VSTM1: variants seen among roughly 807,000 people sequenced by gnomAD.
The protein encoded by VSTM1 is V-set and transmembrane domain-containing protein 1.
A neutral mutation model predicts 33.1 loss-of-function variants in VSTM1; 27 were observed. The observed-to-expected ratio is 0.82, with a 90% confidence interval of 0.60 to 1.12. VSTM1 has a LOEUF of 1.12. VSTM1 is among the 50% of genes most tolerant of loss of function. The pLI is 0.00. For missense variants in VSTM1, 304 were observed against 288.9 expected, an observed-to-expected ratio of 1.05 and a Z score of -0.38; for synonymous variants, 115 against 110.3, an observed-to-expected ratio of 1.04 and a Z score of -0.27.
At position 54,042,813 on chromosome 19, in the gene VSTM1, T is replaced by C. The variant is rs1324085720; in HGVS notation, c.395-444A>G. On this transcript the variant is annotated intron_variant, in intron 4 of 8. Transcript: ENST00000338372. ...GTGTGTATATATAAATGTGTATATATATATATATATATATATATATATATA... is the reference window on the plus strand; with the variant it reads ...GTGTGTATATATAAATGTGTATATACATATATATATATATATATATATATA... Among the ~76,000 whole-genome samples the C allele has an allele frequency of 6.2e-5, 3 of 48,372 alleles. 1 individual carries two copies. Among genetic ancestry groups the C allele is most frequent in the Non-Finnish European group, 1.7e-4 (3 of 17,638 alleles). 31.7% of individuals were successfully genotyped at this position (48,372 alleles called of 152,430 possible).
intron 6 of VSTM1, 55 bp from the exon 7 acceptor site, chr19:54,042,008 G>T: frequency 6.2e-7 from 1 of 1,611,880 alleles, no homozygotes; most frequent in Non-Finnish European, 8.5e-7. Flanking sequence ...CGGGGAGAGG[G>T]TGAGGGCAAT....
chr19:54,051,673 A>G (rs1385437988), intron 3 of VSTM1, among the ~76,000 whole-genome samples: 1 of 152,164 alleles, frequency 6.6e-6, no homozygotes, highest in African/African-American at 2.4e-5. Flanking sequence ...AATAACAAAA[A>G]TATTTATGAA....
intron 1 of VSTM1, 50 bp downstream of exon 1, chr19:54,063,694 G>GA: frequency 6.2e-7 from 1 of 1,608,296 alleles, no homozygotes. Flanking sequence ...ACTCCCACAT[G>GA]AGTTTTTCTC....
At position 54,041,831 on chromosome 19, in the gene VSTM1, A is replaced by G. The variant is rs1304123637; in HGVS notation, c.554-15T>C. Reference sequence around the variant, plus strand: ...TAAATCTGCCTCTGAGTGAGAAAGGAAAAAAAAAAATCAGTTCTCAGCTGC... The same window carrying G: ...TAAATCTGCCTCTGAGTGAGAAAGGGAAAAAAAAAATCAGTTCTCAGCTGC... On this transcript the variant is annotated splice_polypyrimidine_tract_variant and intron_variant, in intron 7 of 8. Transcript: ENST00000338372. 11 of 1,030,120 alleles carry G rather than the reference A, an allele frequency of 1.1e-5. No homozygotes were observed. In the East Asian group the frequency reaches 2.7e-4, roughly 26 times the overall value. 63.8% of individuals were successfully genotyped at this position (1,030,120 alleles called of 1,614,324 possible).
intron 1 of VSTM1, among the ~76,000 whole-genome samples, chr19:54,059,061 T>C (rs1171684373): frequency 3.4e-4 from 5 of 14,906 alleles, no homozygotes; most frequent in Non-Finnish European, 5.9e-4. Context: ...TCTTCTTTCT[T>C]TTTTTTTTTT....
chr19:54,062,592 C>T (rs370768613), intron 1 of VSTM1, among the ~76,000 whole-genome samples: 8 of 151,622 alleles, frequency 5.3e-5, no homozygotes, highest in East Asian at 2.0e-4. Context: ...GGCGTGGTGG[C>T]GTGTGCCTAT....
At chr19:54,048,408 G>T (rs755557805) in intron 4 of VSTM1, 1 of 344,980 alleles carries the variant, frequency 2.9e-6, no homozygotes, top group South Asian at 2.0e-5. Context: ...GAGCCACTGC[G>T]CCCGGCAAAG....
chr19:54,061,365 C>T (rs1412303465), intron 1 of VSTM1, among the ~76,000 whole-genome samples: 1 of 152,124 alleles, frequency 6.6e-6, no homozygotes, highest in Non-Finnish European at 1.5e-5. Context: ...CTCCCAGGAC[C>T]TGCGAATGTG....
intron 1 of VSTM1, 34 bp from the exon 2 acceptor site, chr19:54,058,766 G>T (rs369073348): frequency 1.2e-6 from 2 of 1,610,912 alleles, no homozygotes; most frequent in Non-Finnish European, 1.7e-6. Flanking sequence ...GAAAAATTAT[G>T]TGCTTGTCCT....
intron 4 of VSTM1, among the ~76,000 whole-genome samples, chr19:54,050,218 C>T (rs1300142628): frequency 2.0e-5 from 3 of 151,706 alleles, no homozygotes; most frequent in Non-Finnish European, 1.5e-5. Context: ...AGGCTGGTTT[C>T]GAACTCCTGA....
rs62147263 is a variant in VSTM1 at position 54,052,271 on chromosome 19, C to G, written c.356-823G>C. 3.9e-4 allele frequency among the ~76,000 whole-genome samples: 58 copies of G among 147,420 alleles called. 2 individuals are homozygous for G. Among genetic ancestry groups the G allele is most frequent in the Admixed American group, 8.2e-4 (12 of 14,618 alleles). On this transcript the variant is annotated intron_variant, in intron 3 of 8. Transcript: ENST00000338372. ...AAGTTAGCCGAGCGTGGTGGCGGGC[C>G]CCTGTAGTCCCAGCTACTCGGGAGG...
chr19:54,044,770 G>A (rs1183943583), intron 4 of VSTM1, among the ~76,000 whole-genome samples: 2 of 152,166 alleles, frequency 1.3e-5, no homozygotes, highest in Non-Finnish European at 2.9e-5. Context: ...TTACAGCAAG[G>A]GTTGTGTCCA....
rs1334613665 is a variant in VSTM1, at chr19:54,053,808, C to T, written c.356-2360G>A. ...GCAGCTGTAGATCACTAATACAATG[C>T]CTCTCACAGTTATTCTCCATCTATA... On this transcript the variant is annotated intron_variant, in intron 3 of 8. Transcript: ENST00000338372. Among the ~76,000 whole-genome samples the T allele has an allele frequency of 1.4e-5, 2 of 142,278 alleles. 1 individual carries two copies. Among genetic ancestry groups the T allele is most frequent in the East Asian group, 4.0e-4 (2 of 5,030 alleles). 93.3% of individuals were successfully genotyped at this position (142,278 alleles called of 152,430 possible). A position where few individuals can be genotyped will look rare whatever the true frequency, so the allele number is the denominator to read the frequency against.
At chr19:54,042,823 TATATATATATATATAC>T (rs1340423195) in intron 4 of VSTM1, among the ~76,000 whole-genome samples, 7 of 71,156 alleles carry the variant, frequency 9.8e-5, no homozygotes, top group Middle Eastern at 5.6e-3. Context: ...TATATATATA[TATATATATATATATAC>T]ATATATATAT....
At chr19:54,041,627 T>C (rs1162381516) in intron 8 of VSTM1, 152 bp downstream of exon 8, 5 of 853,830 alleles carry the variant, frequency 5.9e-6, no homozygotes, top group South Asian at 1.8e-5. Context: ...AAATGGAGAT[T>C]TTGGTTCCCA....
At chr19:54,041,341 G>A (rs985120633) in intron 8 of VSTM1, among the ~76,000 whole-genome samples, 3 of 151,134 alleles carry the variant, frequency 2.0e-5, no homozygotes, top group Non-Finnish European at 2.9e-5. Context: ...TGGCTCTGTC[G>A]CCCAGGCTGG....
intron 3 of VSTM1, among the ~76,000 whole-genome samples, chr19:54,057,828 G>T (rs770744862): frequency 1.2e-4 from 18 of 150,592 alleles, no homozygotes; most frequent in Non-Finnish European, 2.4e-4. Context: ...AAAAAGGCTG[G>T]GTGTGGAGGT....
intron 3 of VSTM1, among the ~76,000 whole-genome samples, chr19:54,052,095 T>C (rs923965817): frequency 2.0e-5 from 3 of 152,080 alleles, no homozygotes; most frequent in Non-Finnish European, 4.4e-5. Context: ...CCATTTAGTC[T>C]AAGTTAAAAT....
At chr19:54,057,532 G>T (rs564583305) in intron 3 of VSTM1, among the ~76,000 whole-genome samples, 1 of 150,442 alleles carries the variant, frequency 6.6e-6, no homozygotes, top group Admixed American at 6.7e-5. Context: ...AAAAGCAGCC[G>T]AGCGCAGTGG....
Sources: allele counts gnomAD v4.1 joint callset (sites outside exome capture counted in the v4.1 genomes callset), GRCh38; gene constraint gnomAD v4.1.1; transcripts MANE v1.5; gene names NCBI Gene and HGNC (gene_info 2026-07-23, HGNC 2026-07-21).